PCDHA8: variants seen among roughly 807,000 people sequenced by gnomAD.
PCDHA8 encodes protocadherin alpha 8, also known as protocadherin alpha-8.
A neutral mutation model predicts 61.8 loss-of-function variants in PCDHA8; 53 were observed. The observed-to-expected ratio is 0.86, with a 90% CI of 0.69 to 1.08. The LOEUF is 1.08. Among genes scored for constraint, PCDHA8 ranks in the 50% least tolerant of loss-of-function variants. PCDHA8 has a pLI of 0.00. For missense variants in PCDHA8, 1,293 were observed against 1,245.0 expected, an observed-to-expected ratio of 1.04 and a Z score of -0.58; for synonymous variants, 618 against 556.6, an observed-to-expected ratio of 1.11 and a Z score of -1.55.
intron 1 of PCDHA8, chr5:140,883,984 C>G: frequency 6.2e-7 from 1 of 1,612,820 alleles, no homozygotes; most frequent in East Asian, 2.2e-5. Flanking sequence ...GGGCTGGCAG[C>G]GCGGGAGGCA....
chr5:140,992,757 G>A (rs1345373474), intron 3 of PCDHA8, among the ~76,000 whole-genome samples: 2 of 152,110 alleles, frequency 1.3e-5, no homozygotes, highest in Non-Finnish European at 2.9e-5. Context: ...CCTGTGTTGG[G>A]GATAGGAGGG....
intron 1 of PCDHA8, chr5:140,928,607 G>T: frequency 1.2e-6 from 2 of 1,614,188 alleles, no homozygotes; most frequent in Non-Finnish European, 1.7e-6. Context: ...ATTGTGCCCC[G>T]CTCTGCCAGG....
chr5:140,923,644 C>G (rs1554201552), intron 1 of PCDHA8, among the ~76,000 whole-genome samples: 1 of 152,204 alleles, frequency 6.6e-6, no homozygotes. Flanking sequence ...AAATCTTTAG[C>G]CTCCCTTATC....
chr5:140,906,629 C>T (rs1554192599), intron 1 of PCDHA8, among the ~76,000 whole-genome samples: 1 of 152,222 alleles, frequency 6.6e-6, no homozygotes, highest in Non-Finnish European at 1.5e-5. Context: ...CTTCAGCAAG[C>T]ACCTCAGCAG....
rs377029109 is a variant in PCDHA8, at chr5:141,002,346, C to G, written c.2543-7281C>G. On this transcript the variant is annotated intron_variant, in intron 3 of 3. Coordinates refer to ENST00000531613, the MANE Select transcript of PCDHA8 (RefSeq NM_018911.3). Reference sequence around the variant, plus strand: ...CGGGCTGCATCCGCACCCCTTCCCCCACCTCCACTCCTTTCAACTCATTCT... The same window carrying G: ...CGGGCTGCATCCGCACCCCTTCCCCGACCTCCACTCCTTTCAACTCATTCT... Among the ~76,000 whole-genome samples, 17 of 152,370 alleles carry G rather than the reference C, an allele frequency of 1.1e-4. No homozygotes were observed. The East Asian group carries it at 2.7e-3, about 24-fold the overall frequency.
intron 1 of PCDHA8, chr5:140,966,824 A>T: frequency 1.3e-6 from 2 of 1,559,992 alleles, no homozygotes; most frequent in Non-Finnish European, 1.7e-6. Flanking sequence ...CCGGCGGCCC[A>T]TGCCCTGGCT....
At chr5:140,968,345 G>A in intron 1 of PCDHA8, 2 of 1,614,132 alleles carry the variant, frequency 1.2e-6, no homozygotes, top group Non-Finnish European at 8.5e-7. Flanking sequence ...CATTAACAGT[G>A]CCAGTGGCAG....
chr5:140,870,500 A>G, intron 1 of PCDHA8: 2 of 1,614,228 alleles, frequency 1.2e-6, no homozygotes, highest in East Asian at 2.2e-5. Flanking sequence ...GTGAAGGAGA[A>G]CAACCCACCA....
intron 1 of PCDHA8, chr5:140,967,740 A>T (rs2096177949): frequency 6.2e-6 from 10 of 1,614,052 alleles, no homozygotes; most frequent in Non-Finnish European, 8.5e-6. Flanking sequence ...GGGCTGGATT[A>T]TGAGGAAGCC....
At chr5:140,899,789 G>A (rs1200461877) in intron 1 of PCDHA8, among the ~76,000 whole-genome samples, 17 of 152,024 alleles carry the variant, frequency 1.1e-4, no homozygotes, top group Admixed American at 9.8e-4. Context: ...GGTATAATTC[G>A]GCTGTGAATC....
chr5:140,876,154 A>G, intron 1 of PCDHA8: 1 of 1,613,972 alleles, frequency 6.2e-7, no homozygotes, highest in Non-Finnish European at 8.5e-7. Context: ...GTCTGTCCAG[A>G]TTCAAATAAC....
At chr5:140,952,161 G>A (rs1002170545) in intron 1 of PCDHA8, among the ~76,000 whole-genome samples, 1 of 152,046 alleles carries the variant, frequency 6.6e-6, no homozygotes, top group Non-Finnish European at 1.5e-5. Flanking sequence ...GCTTTGTGGG[G>A]TTCAGTTCCT....
At position 140,844,592 on chromosome 5, in the gene PCDHA8, A is replaced by G. The variant is rs2150372335; in HGVS notation, c.2394+877A>G. 4.7e-5 allele frequency among the ~76,000 whole-genome samples: 7 copies of G among 149,514 alleles called. 1 individual carries two copies. Among genetic ancestry groups the G allele is most frequent in the Admixed American group, 6.7e-5 (1 of 14,904 alleles). On this transcript the variant is annotated intron_variant, in intron 1 of 3. Coordinates refer to ENST00000531613, the MANE Select transcript of PCDHA8 (RefSeq NM_018911.3). ...AATATTCCACATTAAAGTGATATTTAATATATGACTTAGAAAAATGTTTTC... is the reference window on the plus strand; with the variant it reads ...AATATTCCACATTAAAGTGATATTTGATATATGACTTAGAAAAATGTTTTC...
chr5:140,841,555 T>C lies in PCDHA8; in HGVS notation c.234T>C (p.Ser78=), dbSNP rs1224364793. 2.5e-6 allele frequency: 4 copies of C among 1,613,708 alleles called. No homozygotes were observed. In the African/African-American group the frequency reaches 5.3e-5, roughly 22 times the overall value. The change falls in exon 1 of 4, where the codon AGT becomes AGC. Residue 78 remains serine, a synonymous_variant. Transcript: ENST00000531613. The part of the protein sequence containing the change: ...SKRHRDLLEV[S]LQNGILFVNS... Reference sequence around the variant, plus strand: ...GACACCGGGACCTTCTGGAGGTAAGTCTGCAGAATGGCATTTTGTTTGTGA... The same window carrying C: ...GACACCGGGACCTTCTGGAGGTAAGCCTGCAGAATGGCATTTTGTTTGTGA...
intron 1 of PCDHA8, among the ~76,000 whole-genome samples, chr5:140,904,906 G>C (rs2071460962): frequency 6.6e-6 from 1 of 152,026 alleles, no homozygotes; most frequent in African/African-American, 2.4e-5. Context: ...TTTTCTTACT[G>C]ATTTGTTTGA....
In PCDHA8 at chr5:140,869,324, T is replaced by C. The variant is rs1581884799; in HGVS notation, c.2394+25609T>C. 1.9e-6 allele frequency: 3 copies of C among 1,613,876 alleles called. No individual in the cohort carries two copies. In the East Asian group the frequency reaches 6.7e-5, roughly 36 times the overall value. On this transcript the variant is annotated intron_variant, in intron 1 of 3. Coordinates refer to ENST00000531613, the MANE Select transcript of PCDHA8 (RefSeq NM_018911.3). Reference sequence around the variant, plus strand: ...GTGGCGTCCAAAACACATGGGGACCTTCTGGAGGTAAATCTGCAGAATGGC... The same window carrying C: ...GTGGCGTCCAAAACACATGGGGACCCTCTGGAGGTAAATCTGCAGAATGGC...
intron 1 of PCDHA8, chr5:140,881,499 C>A: frequency 3.8e-6 from 1 of 261,884 alleles, no homozygotes; most frequent in Non-Finnish European, 5.9e-6. Context: ...TGCACATACA[C>A]ACACTCACAT....
At chr5:140,993,460 T>A (rs1416332490) in intron 3 of PCDHA8, among the ~76,000 whole-genome samples, 1 of 104,506 alleles carries the variant, frequency 9.6e-6, no homozygotes, top group Non-Finnish European at 1.9e-5. Context: ...CTTCTTTCTT[T>A]CTCACACACA....
rs2150343168 is a variant in PCDHA8, at chr5:140,842,728, G to C, written c.1407G>C (p.Pro469=). 3.1e-6 allele frequency: 5 copies of C among 1,594,936 alleles called. No individual in the cohort carries two copies. In the Admixed American group the frequency reaches 6.7e-5, roughly 22 times the overall value. The change falls in exon 1 of 4, where the codon CCG becomes CCC. Residue 469 remains proline (P), a synonymous_variant. Coordinates refer to ENST00000531613, the MANE Select transcript of PCDHA8 (RefSeq NM_018911.3). The part of the protein sequence containing the change: ...EYTVFVKENN[P]PGCHIFTVSA... ...CGGTGTTCGTGAAGGAGAACAACCC[G>C]CCGGGCTGCCACATCTTCACGGTGT...
Sources: allele counts gnomAD v4.1 joint callset (sites outside exome capture counted in the v4.1 genomes callset), GRCh38; gene constraint gnomAD v4.1.1; transcripts MANE v1.5; gene names NCBI Gene and HGNC (gene_info 2026-07-23, HGNC 2026-07-21).